The following GALNS variants were observed in gnomAD, a reference collection of about 807,000 sequenced individuals.
GALNS encodes N-acetylgalactosamine-6-sulfatase.
GALNS carries 65 observed loss-of-function variants against 65.9 expected under a neutral mutation model. The ratio of observed to expected loss-of-function variants is 0.99; its 90% CI spans 0.81 to 1.21. GALNS has a LOEUF of 1.21. GALNS is among the 50% of genes most tolerant of loss of function. GALNS has a pLI of 0.00. For synonymous variants in GALNS, 346 were observed against 288.9 expected, an observed-to-expected ratio of 1.20 and a Z score of -2.00; for missense variants, 776 against 700.7, an observed-to-expected ratio of 1.11 and a Z score of -1.21.
In GALNS at chr16:88,816,214, G is replaced by A. The variant is rs906477233; in HGVS notation, c.1483-1689C>T. On this transcript the variant is annotated intron_variant, in intron 13 of 13. Coordinates refer to ENST00000268695, the MANE Select transcript of GALNS (RefSeq NM_000512.5). ...TGGCAGTGGCAGCCAGGCTGTGTGC[G>A]CCCACCTCCCCTGCCCTGTGCCCAC... 154 of 985,430 alleles carry A rather than the reference G, an allele frequency of 1.6e-4. No individual in the cohort carries two copies. The Middle Eastern group carries it at 1.6e-3, about 10-fold the overall frequency. The allele number at this position is 985,430 out of a possible 1,614,324, so 61.0% of individuals were successfully genotyped here.
rs113937777 is a variant in GALNS, at chr16:88,848,568, T to G, written c.121-5739A>C. On this transcript the variant is annotated intron_variant, in intron 1 of 13. Transcript: ENST00000268695. ...CAGCCTGGGTGACAGTGAGACTCCG[T>G]CTGAAAAAAAAAAAAAAAGGAAGTG... Among the ~76,000 whole-genome samples the G allele has an allele frequency of 7.4e-3, 841 of 113,112 alleles. 6 individuals carry two copies. The highest frequency in any genetic ancestry group is 0.043 in the Middle Eastern group (10 of 232). 74.2% of individuals were successfully genotyped at this position (113,112 alleles called of 152,430 possible). A position where few individuals can be genotyped will look rare whatever the true frequency, so the allele number is the denominator to read the frequency against.
rs1912051891 is a variant in GALNS at position 88,835,733 on chromosome 16, C to T, written c.750G>A (p.Gln250=). Residue 250 remains glutamine, a synonymous_variant, in exon 7 of 14, where the codon CAG becomes CAA. Transcript: ENST00000268695. The part of the protein sequence containing the change: ...YASKPFLGTS[Q]RGRYGDAVRE... Reference sequence around the variant, plus strand: ...ATGGAGCCAGGACTCACCGCCCTCGCTGACTGGTGCCCAAGAAGGGTTTGG... The same window carrying T: ...ATGGAGCCAGGACTCACCGCCCTCGTTGACTGGTGCCCAAGAAGGGTTTGG... The T allele has an allele frequency of 3.1e-6, 5 of 1,614,084 alleles. No individual in the cohort carries two copies. The East Asian group carries it at 8.9e-5, about 29-fold the overall frequency.
At chr16:88,822,866 G>A (rs1313158934) in intron 11 of GALNS, among the ~76,000 whole-genome samples, 156 bp from the exon 12 acceptor site, 4 of 152,100 alleles carry the variant, frequency 2.6e-5, no homozygotes, top group Non-Finnish European at 4.4e-5. Flanking sequence ...GGGGGGTCTC[G>A]TCTGCCTGTG....
At chr16:88,853,243 C>A (rs1418658906) in intron 1 of GALNS, among the ~76,000 whole-genome samples, 2 of 118,514 alleles carry the variant, frequency 1.7e-5, no homozygotes, top group Non-Finnish European at 3.3e-5. Flanking sequence ...CAGAGTGAGA[C>A]TCCATCTCAA....
At chr16:88,836,668 A>T (rs1375684667) in intron 5 of GALNS, among the ~76,000 whole-genome samples, 1 of 152,122 alleles carries the variant, frequency 6.6e-6, no homozygotes, top group Non-Finnish European at 1.5e-5. Flanking sequence ...AAAAAAAAAA[A>T]AAGGAAGCCT....
intron 1 of GALNS, among the ~76,000 whole-genome samples, chr16:88,848,056 C>T (rs1318319077): frequency 6.6e-6 from 1 of 152,092 alleles, no homozygotes; most frequent in Non-Finnish European, 1.5e-5. Flanking sequence ...TGTGTGAAGC[C>T]CAAAAACCCT....
At chr16:88,845,226 A>C (rs1457301614) in intron 1 of GALNS, 1 of 152,268 alleles carries the variant, frequency 6.6e-6, no homozygotes, top group South Asian at 2.1e-4. Context: ...GGGCACCTGT[A>C]GTCCCGGCTA....
At chr16:88,848,919 A>G (rs1041020249) in intron 1 of GALNS, among the ~76,000 whole-genome samples, 3 of 152,154 alleles carry the variant, frequency 2.0e-5, no homozygotes, top group Admixed American at 6.5e-5. Flanking sequence ...GCAATGATCC[A>G]TTTCCCCGGT....
intron 5 of GALNS, 110 bp downstream of exon 5, chr16:88,837,512 A>G: frequency 8.7e-7 from 1 of 1,154,272 alleles, no homozygotes; most frequent in African/African-American, 1.5e-5. Context: ...CCAGGGACAG[A>G]CCAGCCCTCA....
intron 13 of GALNS, 102 bp downstream of exon 13, chr16:88,817,905 C>T: frequency 1.0e-6 from 1 of 999,152 alleles, no homozygotes; most frequent in Non-Finnish European, 1.5e-6. Flanking sequence ...GGCGGGGAAG[C>T]ACGCCTGCCT....
chr16:88,833,433 T>C (rs1044783490), intron 8 of GALNS, among the ~76,000 whole-genome samples: 2 of 150,796 alleles, frequency 1.3e-5, no homozygotes, highest in Non-Finnish European at 3.0e-5. Context: ...CCTCCCTTTC[T>C]TTCCTTCTCT....
chr16:88,819,091 C>T (rs1909936170), intron 12 of GALNS, among the ~76,000 whole-genome samples: 1 of 152,258 alleles, frequency 6.6e-6, no homozygotes, highest in African/African-American at 2.4e-5. Flanking sequence ...GGACGCTCAG[C>T]AGTCTGTGAG....
intron 13 of GALNS, chr16:88,816,680 G>A (rs939435811): frequency 1.3e-4 from 130 of 985,292 alleles, no homozygotes; most frequent in East Asian, 2.3e-4. Flanking sequence ...TACATCCGCC[G>A]GCCCACGCTG....
intron 4 of GALNS, among the ~76,000 whole-genome samples, chr16:88,840,043 G>A (rs374561505): frequency 2.0e-5 from 3 of 152,354 alleles, no homozygotes; most frequent in South Asian, 2.1e-4. Flanking sequence ...TATGCAGGCT[G>A]CGTGGGGCCC....
At position 88,826,743 on chromosome 16, in the gene GALNS, G is replaced by A; in HGVS notation, c.1098C>T (p.Leu366=). ...CCTGCAGGAGGGTGGGGAGGAGGTT[G>A]AGGCCATCAATGGCCCTGTCGCTGG... ...TPPSDRAIDG[L]NLLPTLLQGR... The change falls in exon 10 of 14, where the codon CTC becomes CTT. Residue 366 remains leucine (L), a synonymous_variant. Coordinates refer to ENST00000268695, the MANE Select transcript of GALNS (RefSeq NM_000512.5). The A allele has an allele frequency of 6.2e-7, 1 of 1,612,368 alleles. No individual in the cohort carries two copies. Among genetic ancestry groups the A allele is most frequent in the Non-Finnish European group, 8.5e-7 (1 of 1,179,706 alleles).
At chr16:88,852,963 A>C (rs548184563) in intron 1 of GALNS, among the ~76,000 whole-genome samples, 1 of 152,064 alleles carries the variant, frequency 6.6e-6, no homozygotes, top group Admixed American at 6.5e-5. Context: ...TCAAAAAAAA[A>C]GTCCTGGCTG....
intron 1 of GALNS, among the ~76,000 whole-genome samples, chr16:88,852,047 T>C (rs980587054): frequency 6.6e-6 from 1 of 152,288 alleles, no homozygotes; most frequent in Admixed American, 6.5e-5. Context: ...AACGGACACA[T>C]TGCCTCCTCA....
In GALNS at chr16:88,822,590, T is replaced by G; in HGVS notation, c.1363A>C (p.Ser455Arg). Residue 455 changes from serine (S) to arginine (R), a missense_variant and splice_region_variant, in exon 12 of 14, where the codon AGC (serine) becomes CGC (arginine). Ser to Arg is a moderately radical substitution (Grantham distance 110). Transcript: ENST00000268695. ...GRDPGERFPL[S>R]FASAEYQEAL... The stretch of plus-strand genomic sequence containing the variant: ...CCAGGAGGCCCTGCACCGACTCACC[T>G]GAGGGGGAACCTCTCCCCTGGGTCC... The G allele has an allele frequency of 6.2e-7, 1 of 1,612,424 alleles. No homozygotes were observed. Among genetic ancestry groups the G allele is most frequent in the Non-Finnish European group, 8.5e-7 (1 of 1,179,636 alleles).
In GALNS at chr16:88,820,151, C is replaced by T. The variant is rs139525147; in HGVS notation, c.1365-2027G>A. Among the ~76,000 whole-genome samples, 852 of 150,224 alleles carry T rather than the reference C, an allele frequency of 5.7e-3. 11 individuals carry two copies. The highest frequency in any genetic ancestry group is 0.02 in the African/African-American group (809 of 40,882). Reference sequence around the variant, plus strand: ...GCCCCGTCGTCTTTTTTTCTTTAGACGGAGTCTTGCTCTGTCACCCAGGCT... The same window carrying T: ...GCCCCGTCGTCTTTTTTTCTTTAGATGGAGTCTTGCTCTGTCACCCAGGCT... On this transcript the variant is annotated intron_variant, in intron 12 of 13. Transcript: ENST00000268695.
Sources: gnomAD v4.1 joint callset for allele counts (sites outside exome capture counted in the v4.1 genomes callset) on GRCh38, gnomAD v4.1.1 for gene constraint, MANE v1.5 for transcripts, NCBI Gene and HGNC (gene_info 2026-07-23, HGNC 2026-07-21) for gene names.